The following HYKK variants were observed in gnomAD, a reference collection of about 807,000 sequenced individuals.
HYKK encodes the protein hydroxylysine kinase, also known as 5-hydroxy-L-lysine kinase.
Under a neutral mutation model 29.7 loss-of-function variants are expected in HYKK, and 19 were observed. That is an observed-to-expected ratio of 0.64 (90% CI 0.45 to 0.94). The LOEUF (loss-of-function observed/expected upper bound fraction) is 0.94. Ranked by LOEUF, HYKK falls within the 40% of genes least tolerant of loss-of-function variation. HYKK has a pLI of 0.00. For missense variants in HYKK, 390 were observed against 443.4 expected (o/e 0.88, Z 1.08); for synonymous variants, 152 against 158.1 (o/e 0.96, Z 0.29).
intron 3 of HYKK, among the ~76,000 whole-genome samples, chr15:78,515,894 T>A (rs926288420): frequency 2.0e-5 from 3 of 152,056 alleles, no homozygotes; most frequent in Admixed American, 6.6e-5. Flanking sequence ...AGCCCAAAAA[T>A]TTTTTTTAAA....
chr15:78,532,666 C>T (rs997988789), intron 4 of HYKK, among the ~76,000 whole-genome samples: 22 of 151,892 alleles, frequency 1.4e-4, no homozygotes, highest in African/African-American at 3.1e-4. Context: ...GTGGTGGTGG[C>T]GCACCCCTGT....
intron 4 of HYKK, chr15:78,528,813 AG>A: frequency 3.1e-6 from 3 of 971,502 alleles, no homozygotes; most frequent in Non-Finnish European, 2.4e-6. Context: ...AAAAAAAAAA[AG>A]GGCAAGGAAC....
chr15:78,513,473 C>A, intron 2 of HYKK, 48 bp downstream of exon 2: 2 of 1,358,106 alleles, frequency 1.5e-6, no homozygotes, highest in Non-Finnish European at 1.0e-6. Flanking sequence ...AGACACATCA[C>A]TGCATTTTGG....
intron 2 of HYKK, 64 bp from the exon 3 acceptor site, chr15:78,514,904 C>CTA (rs2052113357): frequency 2.0e-6 from 1 of 499,234 alleles, no homozygotes; most frequent in African/African-American, 2.4e-5. Flanking sequence ...CTCTCTCTCT[C>CTA]TCTCTATATA....
At position 78,533,754 on chromosome 15, in the gene HYKK, G is replaced by A; in HGVS notation, c.*84G>A. ...GTCAAATTTTAGGAAGGATTTTCCT[G>A]CATAGTTAAAAATCAACTGATGGAA... On this transcript the variant is annotated 3_prime_UTR_variant, in exon 5 of 5. Coordinates refer to ENST00000388988, the MANE Select transcript of HYKK (RefSeq NM_001013619.4). 1 of 955,554 alleles carries A rather than the reference G, an allele frequency of 1.0e-6. No homozygotes were observed. Among genetic ancestry groups the A allele is most frequent in the Non-Finnish European group, 1.6e-6 (1 of 626,444 alleles). 59.2% of individuals were successfully genotyped at this position (955,554 alleles called of 1,614,324 possible).
chr15:78,517,109 CTTTT>C (rs34680285), intron 3 of HYKK, among the ~76,000 whole-genome samples: 5 of 108,404 alleles, frequency 4.6e-5, no homozygotes, highest in Admixed American at 1.1e-4. Flanking sequence ...TTCTTTCTTT[CTTTT>C]TTTTTTTTTT....
intron 1 of HYKK, among the ~76,000 whole-genome samples, chr15:78,509,984 T>C (rs1006161248): frequency 6.6e-6 from 1 of 152,138 alleles, no homozygotes; most frequent in African/African-American, 2.4e-5. Context: ...GAGCAATCAC[T>C]TTGGGTAGGA....
At chr15:78,520,121 A>G (rs1369734631) in intron 3 of HYKK, among the ~76,000 whole-genome samples, 3 of 152,242 alleles carry the variant, frequency 2.0e-5, no homozygotes, top group Non-Finnish European at 1.5e-5. Flanking sequence ...GAGGGAACCA[A>G]GCATTCTTCA....
chr15:78,518,763 A>G (rs951270600), intron 3 of HYKK: 2 of 330,848 alleles, frequency 6.0e-6, no homozygotes, highest in Admixed American at 7.9e-5. Context: ...AAAAATACAA[A>G]AATTAGCCAG....
chr15:78,513,180 G>T lies in HYKK; in HGVS notation c.92G>T (p.Gly31Val). 1 of 1,614,128 alleles carries T rather than the reference G, an allele frequency of 6.2e-7. No individual in the cohort carries two copies. The highest frequency in any genetic ancestry group is 1.1e-5 in the South Asian group (1 of 91,086). Reference sequence around the variant, plus strand: ...TCTGCGTTAGTGGAGTCAGTGTTTGGGTTGAAAGTTTCCAAGGTCCGGCCA... The same window carrying T: ...TCTGCGTTAGTGGAGTCAGTGTTTGTGTTGAAAGTTTCCAAGGTCCGGCCA... ...QASALVESVF[G>V]LKVSKVRPLP... is the part of the protein sequence containing the mutation. Residue 31 changes from glycine to valine, a missense_variant, in exon 2 of 5, where the codon GGG (glycine) becomes GTG (valine). Gly to Val is a moderately radical substitution (Grantham distance 109, BLOSUM62 -3). Transcript: ENST00000388988.
chr15:78,533,405 A>G lies in HYKK; in HGVS notation c.857A>G (p.His286Arg), dbSNP rs760632845. 6.2e-6 allele frequency: 10 copies of G among 1,614,228 alleles called. No homozygotes were observed. Among genetic ancestry groups the G allele is most frequent in the South Asian group, 3.3e-5 (3 of 91,088 alleles). Residue 286 changes from histidine (H) to arginine (R), a missense_variant, in exon 5 of 5, where the codon CAT (histidine) becomes CGT (arginine). Coordinates refer to ENST00000388988, the MANE Select transcript of HYKK (RefSeq NM_001013619.4). ...AAGAGTCCTATACAAGTAGGAGGCC[A>G]TGTCCTTGCAGGGTTTGAAAGCATC... is the stretch of plus-strand genomic sequence containing the variant. The part of the protein sequence containing the change: ...ESKSPIQVGG[H>R]VLAGFESITP...
intron 3 of HYKK, chr15:78,518,851 G>T: frequency 4.4e-6 from 1 of 228,688 alleles, no homozygotes; most frequent in East Asian, 1.4e-4. Flanking sequence ...GGAGGCAGAG[G>T]CTGCAGTGAG....
intron 3 of HYKK, among the ~76,000 whole-genome samples, chr15:78,516,217 A>T (rs568908845): frequency 2.6e-5 from 4 of 152,128 alleles, no homozygotes; most frequent in African/African-American, 7.2e-5. Context: ...TATGTTATTT[A>T]AAAAAAATCA....
intron 1 of HYKK, among the ~76,000 whole-genome samples, chr15:78,509,547 A>T (rs1213708848): frequency 6.6e-6 from 1 of 152,224 alleles, no homozygotes. Context: ...AACTTTAAGA[A>T]CTTATCATTC....
In HYKK at chr15:78,533,897, T is replaced by C. The variant is rs56007453; in HGVS notation, c.*227T>C. On this transcript the variant is annotated 3_prime_UTR_variant, in exon 5 of 5. Transcript: ENST00000388988. The stretch of plus-strand genomic sequence containing the variant: ...AGCAAGCATATTTTTCTGTGAGTCT[T>C]ACTTGCCATATCTATAAAACACATA... 0.35 allele frequency: 195,299 copies of C among 550,748 alleles called. 37,875 individuals are homozygous for C. Among genetic ancestry groups the C allele is most frequent in the Non-Finnish European group, 0.42 (131,791 of 311,982 alleles). 34.1% of individuals were successfully genotyped at this position (550,748 alleles called of 1,614,324 possible). A position where few individuals can be genotyped will look rare whatever the true frequency, so the allele number is the denominator to read the frequency against.
chr15:78,517,635 C>T (rs1422382906), intron 3 of HYKK, among the ~76,000 whole-genome samples: 7 of 151,746 alleles, frequency 4.6e-5, no homozygotes, highest in Admixed American at 2.0e-4. Flanking sequence ...TTGATTAAGG[C>T]GTGACTTGTA....
Position 78,513,345 on chromosome 15 carries a change from T to C in HYKK, c.257T>C (p.Met86Thr), listed in dbSNP as rs1480196214. The change falls in exon 2 of 5, where the codon ATG becomes ACG. Residue 86 changes from methionine (M) to threonine (T), a missense_variant. Met to Thr is a moderately conservative substitution (Grantham distance 81). Transcript: ENST00000388988. The stretch of plus-strand genomic sequence containing the variant: ...ATTGAAGTGCAGAATCACATCATCA[T>C]GTTTCTGAAAGCCGCTGGATTTCCA... The part of the protein sequence containing the change: ...DLIEVQNHII[M>T]FLKAAGFPTA... 1.2e-6 allele frequency: 2 copies of C among 1,614,222 alleles called. No individual in the cohort carries two copies. The highest frequency in any genetic ancestry group is 8.5e-7 in the Non-Finnish European group (1 of 1,180,034).
chr15:78,533,724 AC>A lies in HYKK; in HGVS notation c.*57del. 1 of 1,301,440 alleles carries A rather than the reference AC, an allele frequency of 7.7e-7. No individual in the cohort carries two copies. Among genetic ancestry groups the A allele is most frequent in the South Asian group, 1.3e-5 (1 of 75,874 alleles). The allele number at this position is 1,301,440 out of a possible 1,614,324, so 80.6% of individuals were successfully genotyped here. On this transcript the variant is annotated 3_prime_UTR_variant, in exon 5 of 5. Transcript: ENST00000388988. ...CTTTAACTTGGGTAATTAAAATAGG[AC>A]CCAGTCAAATTTTAGGAAGGATTTT...
intron 1 of HYKK, among the ~76,000 whole-genome samples, chr15:78,509,511 C>T (rs2052050057): frequency 6.6e-6 from 1 of 152,242 alleles, no homozygotes; most frequent in African/African-American, 2.4e-5. Context: ...GATTGGCCTT[C>T]ACCAGTTGCC....
Sources: allele counts gnomAD v4.1 joint callset (sites outside exome capture counted in the v4.1 genomes callset), GRCh38; gene constraint gnomAD v4.1.1; transcripts MANE v1.5; gene names NCBI Gene and HGNC (gene_info 2026-07-23, HGNC 2026-07-21).